HERC4: variants seen among roughly 807,000 people sequenced by gnomAD.
HERC4 encodes probable E3 ubiquitin-protein ligase HERC4.
In HERC4, 28 loss-of-function variants were observed where a neutral mutation model predicts 124.3. That is an observed-to-expected ratio of 0.23 (90% CI 0.17 to 0.31). HERC4 has a LOEUF of 0.31. Ranked by LOEUF, HERC4 falls within the 10% of genes least tolerant of loss-of-function variation. The probability of loss-of-function intolerance (pLI) is 1.00; values close to 1 mark genes in which losing one functional copy is unlikely to be tolerated. For synonymous variants in HERC4, 407 were observed against 421.5 expected (o/e 0.97, Z 0.42); for missense variants, 713 against 1,229.3 (o/e 0.58, Z 6.28).
chr10:67,996,678 T>C (rs1688198009), intron 9 of HERC4, among the ~76,000 whole-genome samples: 1 of 152,058 alleles, frequency 6.6e-6, no homozygotes, highest in Admixed American at 6.6e-5. Context: ...AACATCTTAG[T>C]ATTAATATGA....
At chr10:68,043,658 T>C (rs1361749136) in intron 4 of HERC4, among the ~76,000 whole-genome samples, 2 of 151,898 alleles carry the variant, frequency 1.3e-5, no homozygotes, top group Non-Finnish European at 1.5e-5. Flanking sequence ...CTACTAAAAA[T>C]ACAAAAAATT....
At chr10:67,971,511 T>C (rs1316728063) in intron 15 of HERC4, among the ~76,000 whole-genome samples, 1 of 152,010 alleles carries the variant, frequency 6.6e-6, no homozygotes, top group Non-Finnish European at 1.5e-5. Flanking sequence ...TTCACAATAT[T>C]TCTAAAAAAA....
chr10:68,049,778 G>A lies in HERC4; in HGVS notation c.227-5215C>T, dbSNP rs183067936. ...AATTAAAAATTAGCCAGGCATGGGG[G>A]CAAATGCTTGTAGTTTCCACTACTC... On this transcript the variant is annotated intron_variant, in intron 3 of 24. Coordinates refer to ENST00000373700, the MANE Select transcript of HERC4 (RefSeq NM_015601.4). Among the ~76,000 whole-genome samples the A allele has an allele frequency of 1.7e-4, 26 of 151,952 alleles. No individual in the cohort carries two copies. The East Asian group carries it at 4.8e-3, about 28-fold the overall frequency.
At chr10:67,938,997 T>C (rs182546330) in intron 21 of HERC4, among the ~76,000 whole-genome samples, 29 of 152,300 alleles carry the variant, frequency 1.9e-4, no homozygotes, top group Admixed American at 4.6e-4. Context: ...CTTAATGAAA[T>C]TGTGCATCTT....
intron 15 of HERC4, among the ~76,000 whole-genome samples, chr10:67,978,116 A>T (rs1589233441): frequency 1.3e-5 from 2 of 152,118 alleles, no homozygotes; most frequent in Middle Eastern, 6.8e-3. Context: ...TCTCTACTAA[A>T]AATACAAAAA....
chr10:67,937,961 C>T (rs963672337), intron 21 of HERC4, among the ~76,000 whole-genome samples: 11 of 151,576 alleles, frequency 7.3e-5, no homozygotes, highest in African/African-American at 1.2e-4. Flanking sequence ...GGATTACAGA[C>T]GTGAGCCACT....
chr10:67,935,519 G>A (rs1188308390), intron 22 of HERC4, among the ~76,000 whole-genome samples: 2 of 151,986 alleles, frequency 1.3e-5, no homozygotes, highest in Admixed American at 6.6e-5. Flanking sequence ...AAGAAGGAGG[G>A]AGCTATAGAC....
At chr10:68,006,801 C>T (rs1323142659) in intron 9 of HERC4, among the ~76,000 whole-genome samples, 1 of 152,002 alleles carries the variant, frequency 6.6e-6, no homozygotes, top group Non-Finnish European at 1.5e-5. Context: ...TATGTCATGC[C>T]ATTCTCTCCT....
chr10:67,958,888 C>A (rs2034314793), intron 16 of HERC4, among the ~76,000 whole-genome samples: 1 of 152,096 alleles, frequency 6.6e-6, no homozygotes, highest in Non-Finnish European at 1.5e-5. Context: ...ATTGTTGAGG[C>A]ATCATATAGG....
At chr10:67,990,871 T>C (rs1438640578) in intron 13 of HERC4, 33 bp downstream of exon 13, 30 of 1,380,986 alleles carry the variant, frequency 2.2e-5, no homozygotes, top group Non-Finnish European at 3.0e-5. Context: ...AATCAACAGA[T>C]AATACTGTAA....
chr10:67,932,848 T>C, intron 22 of HERC4, 68 bp from the exon 23 acceptor site: 1 of 1,368,166 alleles, frequency 7.3e-7, no homozygotes, highest in Non-Finnish European at 9.9e-7. Flanking sequence ...AATGTAGTCA[T>C]TAAAACTTCA....
chr10:68,036,067 C>A (rs1169548661), intron 5 of HERC4, among the ~76,000 whole-genome samples: 1 of 152,064 alleles, frequency 6.6e-6, no homozygotes, highest in Admixed American at 6.6e-5. Context: ...GTAATCCCAG[C>A]ACTTTGGGAG....
At position 68,033,896 on chromosome 10, in the gene HERC4, T is replaced by G; in HGVS notation, c.685+69A>C. On this transcript the variant is annotated intron_variant, in intron 6 of 24. Coordinates refer to ENST00000373700, the MANE Select transcript of HERC4 (RefSeq NM_015601.4). ...ATACATTTCTCTCTTACACTAAGAA[T>G]CACTGATCTAACTCAAAAGACCATC... 3 of 1,255,348 alleles carry G rather than the reference T, an allele frequency of 2.4e-6. No homozygotes were observed. In the South Asian group the frequency reaches 3.9e-5, roughly 16 times the overall value. The allele number at this position is 1,255,348 out of a possible 1,614,324, so 77.8% of individuals were successfully genotyped here. A position where few individuals can be genotyped will look rare whatever the true frequency, so the allele number is the denominator to read the frequency against.
chr10:68,072,119 A>G (rs759819210), intron 3 of HERC4, among the ~76,000 whole-genome samples: 31 of 152,206 alleles, frequency 2.0e-4, no homozygotes, highest in South Asian at 4.1e-4. Flanking sequence ...TGAATTTACC[A>G]CCTGAAATCA....
At chr10:68,070,509 G>A (rs1981180) in intron 3 of HERC4, 12,907 of 162,776 alleles carry the variant, frequency 0.079, 710 homozygotes, top group Middle Eastern at 0.16. Flanking sequence ...GGGAGGCTGA[G>A]GCAGGAGAAT....
chr10:68,057,497 G>A (rs192128635), intron 3 of HERC4, among the ~76,000 whole-genome samples: 64 of 151,572 alleles, frequency 4.2e-4, no homozygotes, highest in African/African-American at 1.5e-3. Context: ...GGTGGCAGGC[G>A]CCTATAATCC....
chr10:67,954,412 A>G (rs1163911295), intron 19 of HERC4, 183 bp downstream of exon 19: 3 of 410,418 alleles, frequency 7.3e-6, no homozygotes, highest in African/African-American at 6.1e-5. Flanking sequence ...AATGTGTGGT[A>G]AGCATCAAAT....
intron 16 of HERC4, chr10:67,965,156 T>G (rs1158843145): frequency 6.6e-6 from 1 of 152,242 alleles, no homozygotes; most frequent in East Asian, 1.9e-4. Flanking sequence ...GTTCTTGAAA[T>G]TCTCTCTGCC....
intron 3 of HERC4, among the ~76,000 whole-genome samples, chr10:68,066,482 C>T (rs1589471324): frequency 6.6e-6 from 1 of 152,314 alleles, no homozygotes; most frequent in South Asian, 2.1e-4. Flanking sequence ...GTTCCAAGTA[C>T]TTTAAAGAAG....
Sources: allele counts gnomAD v4.1 joint callset (sites outside exome capture counted in the v4.1 genomes callset), GRCh38; gene constraint gnomAD v4.1.1; transcripts MANE v1.5; gene names NCBI Gene and HGNC (gene_info 2026-07-23, HGNC 2026-07-21).